The following R3HDM2 variants were observed in gnomAD, a reference collection of about 807,000 sequenced individuals.
R3HDM2 encodes the protein R3H domain containing 2, also known as R3H domain-containing protein 2.
A neutral mutation model predicts 124.5 loss-of-function variants in R3HDM2; 38 were observed. The observed-to-expected ratio is 0.31, with a 90% confidence interval of 0.24 to 0.40. The LOEUF (loss-of-function observed/expected upper bound fraction) is 0.40, where lower values mean the gene tolerates loss of function less well. Among genes scored for constraint, R3HDM2 ranks in the 10% least tolerant of loss-of-function variants. The pLI is 1.00. For missense variants in R3HDM2, 869 were observed against 1,236.9 expected (o/e 0.70, Z 4.46); for synonymous variants, 391 against 448.0 (o/e 0.87, Z 1.61).
intron 1 of R3HDM2, among the ~76,000 whole-genome samples, chr12:57,429,558 C>G (rs1869112954): frequency 6.6e-6 from 1 of 151,954 alleles, no homozygotes; most frequent in South Asian, 2.1e-4. Flanking sequence ...CCCGTCTCTA[C>G]AAAAATCAGC....
intron 2 of R3HDM2, among the ~76,000 whole-genome samples, chr12:57,342,418 CAG>C (rs1048673385): frequency 3.9e-5 from 6 of 152,004 alleles, no homozygotes; most frequent in Non-Finnish European, 5.9e-5. Flanking sequence ...CCCAGCTGTT[CAG>C]AGAGATATCA....
chr12:57,402,524 T>C (rs1271439703), intron 1 of R3HDM2, among the ~76,000 whole-genome samples: 1 of 151,866 alleles, frequency 6.6e-6, no homozygotes, highest in African/African-American at 2.4e-5. Flanking sequence ...TTTAGTAGAG[T>C]TGGAGTTTCA....
At chr12:57,336,292 T>C (rs901598159) in intron 2 of R3HDM2, among the ~76,000 whole-genome samples, 2 of 152,270 alleles carry the variant, frequency 1.3e-5, no homozygotes, top group South Asian at 2.1e-4. Context: ...AGCAATCCCA[T>C]TACTGAGTTT....
intron 13 of R3HDM2, 65 bp downstream of exon 13, chr12:57,283,759 T>A: frequency 5.4e-5 from 79 of 1,474,544 alleles, no homozygotes; most frequent in South Asian, 4.0e-4. Flanking sequence ...TAAATATCAG[T>A]GATGTTTCAC....
chr12:57,419,278 C>G (rs1444873596), intron 1 of R3HDM2, among the ~76,000 whole-genome samples: 2 of 151,060 alleles, frequency 1.3e-5, no homozygotes, highest in Admixed American at 1.3e-4. Context: ...CCAGCACCTA[C>G]GATTACAGGC....
intron 19 of R3HDM2, among the ~76,000 whole-genome samples, chr12:57,260,909 T>A (rs1269284387): frequency 6.6e-6 from 1 of 152,094 alleles, no homozygotes; most frequent in Non-Finnish European, 1.5e-5. Flanking sequence ...TAAGAGAAGC[T>A]CAGGAGACAG....
intron 2 of R3HDM2, among the ~76,000 whole-genome samples, chr12:57,367,361 T>G (rs908043446): frequency 4.6e-5 from 7 of 152,236 alleles, no homozygotes; most frequent in African/African-American, 1.7e-4. Flanking sequence ...TTAGTGTAAC[T>G]GAGGAACTCA....
chr12:57,369,367 T>C (rs890540647), intron 2 of R3HDM2, among the ~76,000 whole-genome samples: 14 of 152,198 alleles, frequency 9.2e-5, no homozygotes, highest in African/African-American at 2.9e-4. Flanking sequence ...TGTAAACTGA[T>C]GCGAACTCAA....
At chr12:57,268,707 C>A in intron 17 of R3HDM2, 1 of 695,392 alleles carries the variant, frequency 1.4e-6, no homozygotes, top group Non-Finnish European at 2.3e-6. Flanking sequence ...CTTTCCTGGG[C>A]ATATACTCAT....
chr12:57,356,948 A>G (rs977310699), intron 2 of R3HDM2, among the ~76,000 whole-genome samples: 2 of 151,666 alleles, frequency 1.3e-5, no homozygotes, highest in Non-Finnish European at 2.9e-5. Flanking sequence ...TCTACTAAAA[A>G]CACAAAAATT....
At chr12:57,288,394 CTCTA>C (rs1413308980) in intron 12 of R3HDM2, among the ~76,000 whole-genome samples, 5 of 151,568 alleles carry the variant, frequency 3.3e-5, no homozygotes, top group African/African-American at 4.9e-5. Context: ...CTCTCTCTCT[CTCTA>C]TATATATATA....
chr12:57,350,246 TTAAAC>T (rs1462689381), intron 2 of R3HDM2, among the ~76,000 whole-genome samples: 1 of 151,746 alleles, frequency 6.6e-6, no homozygotes, highest in Non-Finnish European at 1.5e-5. Flanking sequence ...ATAAAATACA[TTAAAC>T]TAATAAATAA....
At chr12:57,355,805 T>C (rs2061226272) in intron 2 of R3HDM2, among the ~76,000 whole-genome samples, 1 of 152,244 alleles carries the variant, frequency 6.6e-6, no homozygotes, top group East Asian at 1.9e-4. Flanking sequence ...TGGTACTGCA[T>C]GTGTCTTGTC....
intron 2 of R3HDM2, among the ~76,000 whole-genome samples, chr12:57,384,574 T>C (rs1178619200): frequency 2.0e-5 from 3 of 152,182 alleles, no homozygotes; most frequent in Non-Finnish European, 4.4e-5. Context: ...CAGGTCACCA[T>C]GATTTTTTCT....
At chr12:57,280,174 T>C (rs1030304504) in intron 14 of R3HDM2, among the ~76,000 whole-genome samples, 184 bp downstream of exon 14, 5 of 152,078 alleles carry the variant, frequency 3.3e-5, no homozygotes, top group African/African-American at 1.2e-4. Context: ...TCAGTAGTTA[T>C]TTGGCAAAAC....
chr12:57,419,710 A>G (rs1001796347), intron 1 of R3HDM2, among the ~76,000 whole-genome samples: 1 of 152,008 alleles, frequency 6.6e-6, no homozygotes, highest in Non-Finnish European at 1.5e-5. Flanking sequence ...CCAAGGCACT[A>G]GGATTACAGG....
rs1181554930 is a variant in R3HDM2 at position 57,255,117 on chromosome 12, G to A, written c.2633-4C>T. On this transcript the variant is annotated splice_polypyrimidine_tract_variant and splice_region_variant and intron_variant, in intron 23 of 23. Transcript: ENST00000402412. The stretch of plus-strand genomic sequence containing the variant: ...ACCTCCAGCACCCGCCCCAGGACTG[G>A]AAGGGGAGGAGAGAGGACATGGTTG... 6.4e-7 allele frequency: 1 copy of A among 1,573,824 alleles called. No homozygotes were observed. The highest frequency in any genetic ancestry group is 1.8e-5 in the Admixed American group (1 of 56,414).
intron 22 of R3HDM2, 55 bp from the exon 23 acceptor site, chr12:57,256,129 C>T (rs760284510): frequency 6.6e-7 from 1 of 1,520,312 alleles, no homozygotes; most frequent in African/African-American, 1.4e-5. Context: ...GACTGCCTTG[C>T]ATCAGAATGT....
At chr12:57,295,306 T>C in intron 10 of R3HDM2, 93 bp downstream of exon 10, 2 of 825,492 alleles carry the variant, frequency 2.4e-6, no homozygotes, top group Admixed American at 4.2e-5. Context: ...CTAAGATATT[T>C]TGAGTTTTCT....
Sources: allele counts gnomAD v4.1 joint callset (sites outside exome capture counted in the v4.1 genomes callset), GRCh38; gene constraint gnomAD v4.1.1; transcripts MANE v1.5; gene names NCBI Gene and HGNC (gene_info 2026-07-23, HGNC 2026-07-21).